Variants in GPC3 observed in about 807,000 individuals in gnomAD.
GPC3 encodes glypican-3.
Under a neutral mutation model 34.4 loss-of-function variants are expected in GPC3, and 3 were observed. The observed-to-expected ratio is 0.09, with a 90% CI of 0.04 to 0.23. GPC3 has a LOEUF of 0.23. Among genes scored for constraint, GPC3 ranks in the 10% least tolerant of loss-of-function variants. GPC3 has a pLI of 1.00. For missense variants in GPC3, 351 were observed against 445.6 expected (o/e 0.79, Z 1.91); for synonymous variants, 177 against 174.0 (o/e 1.02, Z -0.13).
chrX:133,951,676 T>C (rs994176142), intron 2 of GPC3, among the ~76,000 whole-genome samples: 2 of 111,928 alleles, frequency 1.8e-5, no homozygotes, highest in Non-Finnish European at 3.8e-5. Context: ...TATCACCAAA[T>C]TGTTAGTCTC....
intron 1 of GPC3, among the ~76,000 whole-genome samples, chrX:133,958,825 G>A (rs1417128751): frequency 9.6e-6 from 1 of 104,113 alleles, no homozygotes; most frequent in East Asian, 3.1e-4. Flanking sequence ...GGCGGAGGTT[G>A]CAGTGAGCTG....
chrX:133,896,362 GAA>G (rs375226597), intron 2 of GPC3, among the ~76,000 whole-genome samples: 26 of 81,147 alleles, frequency 3.2e-4, no homozygotes, highest in African/African-American at 1.0e-3. Flanking sequence ...GATTGTCTCA[GAA>G]AAAAAAAAAA....
chrX:133,908,482 T>C (rs557904978), intron 2 of GPC3, among the ~76,000 whole-genome samples: 74 of 111,603 alleles, frequency 6.6e-4, no homozygotes, highest in African/African-American at 2.2e-3. Flanking sequence ...GTGGAGCACA[T>C]AGCAAGGGAA....
intron 1 of GPC3, among the ~76,000 whole-genome samples, chrX:133,980,467 A>G (rs1020126647): frequency 8.9e-6 from 1 of 112,354 alleles, no homozygotes; most frequent in Admixed American, 9.4e-5. Context: ...CTTGTGCTCA[A>G]CACTGCTCAA....
rs148897649 is a variant in GPC3, at chrX:133,710,641, A to C, written c.1033-10613T>G. Among the ~76,000 whole-genome samples the C allele has an allele frequency of 4.6e-3, 518 of 111,948 alleles. 1 individual carries two copies. Among genetic ancestry groups the C allele is most frequent in the Non-Finnish European group, 8.0e-3 (426 of 53,137 alleles). On this transcript the variant is annotated intron_variant, in intron 3 of 7. Transcript: ENST00000370818. ...TCCGGTCTGCTCTGGAATATCTGGA[A>C]TATCCTCTTCTGTTCTTCTAATCTC...
intron 5 of GPC3, among the ~76,000 whole-genome samples, chrX:133,687,613 A>G (rs888440664): frequency 9.2e-6 from 1 of 108,856 alleles, no homozygotes; most frequent in African/African-American, 3.4e-5. Context: ...TTTTTAGTAG[A>G]GATGGGGTTT....
chrX:133,640,180 G>A (rs1283308766), intron 6 of GPC3, among the ~76,000 whole-genome samples: 2 of 111,647 alleles, frequency 1.8e-5, no homozygotes, highest in African/African-American at 6.5e-5. Flanking sequence ...GATATGTGGT[G>A]GTTTCTTTGT....
In GPC3 at chrX:133,599,794, A is replaced by G. The variant is rs770636384; in HGVS notation, c.1414-3195T>C. ...TAAGTAGAATTATGTTTAGATATAG[A>G]TTAGTGAACTTGCTATTTCTCAAGC... is the stretch of plus-strand genomic sequence containing the variant. On this transcript the variant is annotated intron_variant, in intron 6 of 7. Coordinates refer to ENST00000370818, the MANE Select transcript of GPC3 (RefSeq NM_004484.4). 2.7e-5 allele frequency among the ~76,000 whole-genome samples: 3 copies of G among 112,138 alleles called. No homozygotes were observed. The South Asian group carries it at 1.1e-3, about 42-fold the overall frequency.
chrX:133,862,890 C>T (rs1313696679), intron 2 of GPC3, among the ~76,000 whole-genome samples: 1 of 112,333 alleles, frequency 8.9e-6, no homozygotes, highest in South Asian at 3.7e-4. Flanking sequence ...CTCTCCATAT[C>T]CTCCATTCTC....
intron 2 of GPC3, among the ~76,000 whole-genome samples, chrX:133,782,524 T>C (rs960996275): frequency 2.7e-5 from 3 of 111,948 alleles, no homozygotes; most frequent in Non-Finnish European, 3.8e-5. Context: ...TCCTATTCTA[T>C]ATTTCCATCC....
In GPC3 at chrX:133,753,596, A is replaced by G. The variant is rs753655328; in HGVS notation, c.918T>C (p.Leu306=). ...WREYILSLEE[L]VNGMYRIYDM... is the part of the protein sequence containing the mutation. ...CATAGATTCTGTACATGCCATTCAC[A>G]AGTTCTTCAAGGGACAGAATGTATT... The change falls in exon 3 of 8, where the codon CTT becomes CTC. Residue 306 remains leucine, a synonymous_variant. Transcript: ENST00000370818. The G allele has an allele frequency of 3.3e-6, 4 of 1,206,362 alleles. No homozygotes were observed. The highest frequency in any genetic ancestry group is 4.5e-6 in the Non-Finnish European group (4 of 891,787).
chrX:133,817,317 G>A (rs942596098), intron 2 of GPC3, among the ~76,000 whole-genome samples: 1 of 111,596 alleles, frequency 9.0e-6, no homozygotes, highest in African/African-American at 3.3e-5. Flanking sequence ...AACCCTCTTT[G>A]TATTACAGTG....
rs1603139117 is a variant in GPC3, at chrX:133,536,029, A to C, written c.*95T>G. The C allele has an allele frequency of 7.0e-6, 5 of 710,629 alleles. No homozygotes were observed. In the East Asian group the frequency reaches 1.3e-4, roughly 19 times the overall value. 58.6% of individuals were successfully genotyped at this position (710,629 alleles called of 1,213,427 possible). On this transcript the variant is annotated 3_prime_UTR_variant, in exon 8 of 8. Transcript: ENST00000370818. ...CTGGAGGAGGTATACAGGATAACAA[A>C]AAAAAAAAAATAGAAAAAAATAAGA... is the stretch of plus-strand genomic sequence containing the variant.
chrX:133,659,105 T>C (rs752663688), intron 6 of GPC3, among the ~76,000 whole-genome samples: 1 of 112,427 alleles, frequency 8.9e-6, no homozygotes, highest in South Asian at 3.7e-4. Flanking sequence ...TATGTGTACA[T>C]ATTATATATA....
intron 2 of GPC3, among the ~76,000 whole-genome samples, chrX:133,754,917 A>G (rs754168312): frequency 8.9e-6 from 1 of 112,293 alleles, no homozygotes; most frequent in African/African-American, 3.2e-5. Context: ...CAGCTTCCAC[A>G]TGGCTTGGAA....
chrX:133,844,747 G>C (rs1376024133), intron 2 of GPC3, among the ~76,000 whole-genome samples: 1 of 112,253 alleles, frequency 8.9e-6, no homozygotes, highest in Non-Finnish European at 1.9e-5. Flanking sequence ...GCTACCTACA[G>C]TGGAGATTAT....
At chrX:133,617,004 T>C (rs1391246271) in intron 6 of GPC3, among the ~76,000 whole-genome samples, 1 of 111,602 alleles carries the variant, frequency 9.0e-6, no homozygotes, top group African/African-American at 3.3e-5. Flanking sequence ...AGCCTAGAAA[T>C]TGATTTTTGA....
chrX:133,786,014 C>T (rs1477373037), intron 2 of GPC3, among the ~76,000 whole-genome samples: 1 of 112,014 alleles, frequency 8.9e-6, no homozygotes, highest in African/African-American at 3.2e-5. Flanking sequence ...CAACTAATCA[C>T]CGGGGACAAA....
intron 2 of GPC3, among the ~76,000 whole-genome samples, chrX:133,784,280 A>C (rs2072081049): frequency 8.9e-6 from 1 of 111,871 alleles, no homozygotes; most frequent in Non-Finnish European, 1.9e-5. Context: ...CTGCACTTCA[A>C]GATAAATCAA....
Sources: allele counts gnomAD v4.1 joint callset (sites outside exome capture counted in the v4.1 genomes callset), GRCh38; gene constraint gnomAD v4.1.1; transcripts MANE v1.5; gene names NCBI Gene and HGNC (gene_info 2026-07-23, HGNC 2026-07-21).